Variants in ARIH1 observed in about 807,000 individuals in gnomAD.
ARIH1 encodes ariadne RBR E3 ubiquitin protein ligase 1.
A neutral mutation model predicts 85.0 loss-of-function variants in ARIH1; 8 were observed. The ratio of observed to expected loss-of-function variants is 0.09; its 90% CI spans 0.06 to 0.17. ARIH1 has a LOEUF of 0.17. Among genes scored for constraint, ARIH1 ranks in the 10% least tolerant of loss-of-function variants. ARIH1 has a pLI of 1.00. For synonymous variants in ARIH1, 238 were observed against 253.6 expected (o/e 0.94, Z 0.59); for missense variants, 311 against 718.1 (o/e 0.43, Z 6.48).
chr15:72,562,345 G>T (rs952389139), intron 6 of ARIH1, among the ~76,000 whole-genome samples: 19 of 152,100 alleles, frequency 1.2e-4, no homozygotes, highest in Non-Finnish European at 1.5e-5. Flanking sequence ...TACCCTCTTG[G>T]CTTGTTACAG....
intron 2 of ARIH1, among the ~76,000 whole-genome samples, chr15:72,532,238 C>G (rs1595863151): frequency 6.7e-6 from 1 of 148,386 alleles, no homozygotes; most frequent in African/African-American, 2.5e-5. Flanking sequence ...CCTAAATAAC[C>G]AGTATTAGGA....
chr15:72,555,068 G>A (rs560954976), intron 3 of ARIH1, among the ~76,000 whole-genome samples: 126 of 152,156 alleles, frequency 8.3e-4, no homozygotes, highest in African/African-American at 2.8e-3. Context: ...ATTGTTGCCC[G>A]CCTTTCCTAA....
At chr15:72,500,677 C>T (rs920180750) in intron 1 of ARIH1, among the ~76,000 whole-genome samples, 1 of 152,078 alleles carries the variant, frequency 6.6e-6, no homozygotes, top group Non-Finnish European at 1.5e-5. Flanking sequence ...GTGCCAGATC[C>T]TCATCTTTCA....
At chr15:72,553,647 C>T (rs183680150) in intron 3 of ARIH1, among the ~76,000 whole-genome samples, 6 of 152,268 alleles carry the variant, frequency 3.9e-5, no homozygotes, top group Non-Finnish European at 1.5e-5. Flanking sequence ...GGTTTTGGTA[C>T]GGTGGCTCAC....
chr15:72,486,160 CA>C (rs1415040982), intron 1 of ARIH1, among the ~76,000 whole-genome samples: 2 of 151,980 alleles, frequency 1.3e-5, no homozygotes, highest in Admixed American at 1.3e-4. Context: ...CTGGCTTGAC[CA>C]TACAATGGTT....
chr15:72,529,416 G>A (rs1273780786), intron 2 of ARIH1, among the ~76,000 whole-genome samples: 1 of 152,200 alleles, frequency 6.6e-6, no homozygotes, highest in African/African-American at 2.4e-5. Flanking sequence ...TTTTTGTAGA[G>A]ATGGGACCTT....
chr15:72,492,432 T>C (rs748329928), intron 1 of ARIH1, among the ~76,000 whole-genome samples: 3 of 152,178 alleles, frequency 2.0e-5, no homozygotes, highest in Non-Finnish European at 4.4e-5. Flanking sequence ...AATAGTTCTT[T>C]AGTAAAGTTC....
At chr15:72,560,298 G>A (rs2064192346) in intron 5 of ARIH1, among the ~76,000 whole-genome samples, 1 of 151,894 alleles carries the variant, frequency 6.6e-6, no homozygotes, top group South Asian at 2.1e-4. Flanking sequence ...GAACTGAGAG[G>A]GTATCTATAT....
rs2064366539 is a variant in ARIH1 at position 72,597,162 on chromosome 15, C to A, written c.*13870C>A. 4.6e-5 allele frequency: 1 copy of A among 21,816 alleles called. No homozygotes were observed. The highest frequency in any genetic ancestry group is 1.3e-4 in the African/African-American group (1 of 7,934). 1.4% of individuals were successfully genotyped at this position (21,816 alleles called of 1,614,324 possible). A position where few individuals can be genotyped will look rare whatever the true frequency, so the allele number is the denominator to read the frequency against. ...ATGTTTACTTCCAAAACAGAGCATG[C>A]CCTTTGTTTTTTTTTCAGGCCACTT... On this transcript the variant is annotated 3_prime_UTR_variant, in exon 14 of 14. Coordinates refer to ENST00000379887, the MANE Select transcript of ARIH1 (RefSeq NM_005744.5).
chr15:72,533,756 A>C (rs2064068595), intron 2 of ARIH1, among the ~76,000 whole-genome samples: 1 of 152,032 alleles, frequency 6.6e-6, no homozygotes, highest in Non-Finnish European at 1.5e-5. Context: ...AAAATTAAAC[A>C]ATTAGCTATG....
Position 72,474,463 on chromosome 15 carries a change from CGCCGCCACCA to C in ARIH1, c.-172_-163del. On this transcript the variant is annotated 5_prime_UTR_variant, in exon 1 of 14. Coordinates refer to ENST00000379887, the MANE Select transcript of ARIH1 (RefSeq NM_005744.5). ...CTCCCTCCCTCCTCCGCGCCCTCCC[CGCCGCCACCA>C]GCCGTCAAACGCCAACCGCCGCTCC... The C allele has an allele frequency of 1.2e-6, 1 of 830,178 alleles. No individual in the cohort carries two copies. The highest frequency in any genetic ancestry group is 1.8e-5 in the African/African-American group (1 of 54,922). 51.4% of individuals were successfully genotyped at this position (830,178 alleles called of 1,614,324 possible).
At chr15:72,554,218 T>A (rs1346929480) in intron 3 of ARIH1, among the ~76,000 whole-genome samples, 1 of 152,242 alleles carries the variant, frequency 6.6e-6, no homozygotes, top group Non-Finnish European at 1.5e-5. Flanking sequence ...TTTTCATTTC[T>A]TTTGAGTATA....
chr15:72,559,859 C>T (rs1227732399), intron 5 of ARIH1, among the ~76,000 whole-genome samples: 1 of 152,168 alleles, frequency 6.6e-6, no homozygotes, highest in East Asian at 1.9e-4. Flanking sequence ...TGAATCATCA[C>T]TTTACTCCTT....
chr15:72,547,665 A>G (rs566147249), intron 3 of ARIH1, among the ~76,000 whole-genome samples: 1 of 152,344 alleles, frequency 6.6e-6, no homozygotes, highest in East Asian at 1.9e-4. Flanking sequence ...TACTGTTACA[A>G]TATATTAATA....
intron 1 of ARIH1, among the ~76,000 whole-genome samples, chr15:72,479,732 A>G (rs2063807855): frequency 6.6e-6 from 1 of 151,528 alleles, no homozygotes; most frequent in South Asian, 2.1e-4. Flanking sequence ...AGAAAAAAAT[A>G]TCTAAGCCTT....
intron 2 of ARIH1, among the ~76,000 whole-genome samples, chr15:72,540,452 T>C (rs1473676794): frequency 6.6e-6 from 1 of 152,100 alleles, no homozygotes; most frequent in East Asian, 1.9e-4. Context: ...ATTTTAGTAA[T>C]TTCCAAATAA....
chr15:72,543,229 C>A (rs898009958), intron 2 of ARIH1, among the ~76,000 whole-genome samples: 1 of 151,942 alleles, frequency 6.6e-6, no homozygotes, highest in African/African-American at 2.4e-5. Flanking sequence ...GCCACCGCGG[C>A]GCCTGTAATC....
Position 72,475,321 on chromosome 15 carries a change from C to G in ARIH1, c.375+307C>G, listed in dbSNP as rs188364418. On this transcript the variant is annotated intron_variant, in intron 1 of 13. Coordinates refer to ENST00000379887, the MANE Select transcript of ARIH1 (RefSeq NM_005744.5). Reference sequence around the variant, plus strand: ...AGTCCCTGGGCCGGGTGTCCTTTCTCTGGCCGGGCGATCGCCTACTGGGGC... The same window carrying G: ...AGTCCCTGGGCCGGGTGTCCTTTCTGTGGCCGGGCGATCGCCTACTGGGGC... Among the ~76,000 whole-genome samples the G allele has an allele frequency of 5.3e-5, 8 of 152,376 alleles. No individual in the cohort carries two copies. The East Asian group carries it at 9.6e-4, about 18-fold the overall frequency.
At chr15:72,498,243 G>GTT (rs11335721) in intron 1 of ARIH1, among the ~76,000 whole-genome samples, 2,349 of 151,202 alleles carry the variant, frequency 0.016, 54 homozygotes, top group Admixed American at 0.057. Context: ...CAACCAAAAT[G>GTT]TTTTTTTTTT....
Sources: allele counts gnomAD v4.1 joint callset (sites outside exome capture counted in the v4.1 genomes callset), GRCh38; gene constraint gnomAD v4.1.1; transcripts MANE v1.5; gene names NCBI Gene and HGNC (gene_info 2026-07-23, HGNC 2026-07-21).